NSD2: variants seen among roughly 807,000 people sequenced by gnomAD.
The protein encoded by NSD2 is nuclear receptor binding SET domain protein 2, also known as histone-lysine N-methyltransferase NSD2.
Under a neutral mutation model 139.0 loss-of-function variants are expected in NSD2, and 12 were observed. That is an observed-to-expected ratio of 0.09 (90% CI 0.06 to 0.14). The LOEUF is 0.14. Ranked by LOEUF, NSD2 falls within the 10% of genes least tolerant of loss-of-function variation. NSD2 has a pLI of 1.00. For synonymous variants in NSD2, 669 were observed against 648.7 expected (o/e 1.03, Z -0.48); for missense variants, 1,155 against 1,745.0 (o/e 0.66, Z 6.02).
chr4:1,972,553 G>A lies in NSD2; in HGVS notation c.3373-2310G>A, dbSNP rs1726605673. ...ACTCCAGCGGGGCCCAAACCCAGGC[G>A]GATGGCCAGGGGGAGTGGGGCCAAA... On this transcript the variant is annotated intron_variant, in intron 18 of 21. Transcript: ENST00000508803. The surrounding 1 kb of genome is among the most constrained non-coding windows in gnomAD (Gnocchi z 4.0). Among the ~76,000 whole-genome samples the A allele has an allele frequency of 6.6e-6, 1 of 152,176 alleles. No homozygotes were observed. The highest frequency in any genetic ancestry group is 1.5e-5 in the Non-Finnish European group (1 of 68,030).
chr4:1,964,688 A>T (rs2108988686), intron 18 of NSD2, among the ~76,000 whole-genome samples: 2 of 152,192 alleles, frequency 1.3e-5, no homozygotes, highest in Middle Eastern at 6.8e-3. Context: ...CCTCCAGCTG[A>T]AGTATCTTCA....
At position 1,893,543 on chromosome 4, in the gene NSD2, GTTTTTTT is replaced by G. The variant is rs774429583; in HGVS notation, c.-29-7073_-29-7067del. 9.9e-5 allele frequency among the ~76,000 whole-genome samples: 12 copies of G among 121,432 alleles called. No individual in the cohort carries two copies. In the South Asian group the frequency reaches 1.7e-3, roughly 17 times the overall value. The allele number at this position is 121,432 out of a possible 152,430, so 79.7% of individuals were successfully genotyped here. On this transcript the variant is annotated intron_variant, in intron 1 of 21. Coordinates refer to ENST00000508803, the MANE Select transcript of NSD2 (RefSeq NM_001042424.3). ...TATTTTGCCTCTTTTTTTGTTTTTT[GTTTTTTT>G]TTTTTTTTTGTTTTGTTTTGAGACA...
chr4:1,872,615 A>AGAGAGAGAGAGAGAGAGAGG (rs1713924510), intron 1 of NSD2, among the ~76,000 whole-genome samples: 3 of 145,302 alleles, frequency 2.1e-5, no homozygotes, highest in East Asian at 4.3e-4. Context: ...AGAGAGAGAG[A>AGAGAGAGAGAGAGAGAGAGG]GAGAGAGAGA....
chr4:1,927,305 C>T (rs989803917), intron 5 of NSD2, among the ~76,000 whole-genome samples: 2 of 152,122 alleles, frequency 1.3e-5, no homozygotes, highest in East Asian at 3.9e-4. Flanking sequence ...ACGCCGTAAG[C>T]AGTAGTGGGG....
In NSD2 at chr4:1,976,444, C is replaced by T. The variant is rs773746799; in HGVS notation, c.3622-31C>T. On this transcript the variant is annotated intron_variant, in intron 20 of 21. Transcript: ENST00000508803. This position sits in a 1 kb window ranked among gnomAD's most constrained non-coding sequence, Gnocchi z 5.3. ...TTTGCTTCAGCCTGTGTAATTCTTT[C>T]CGGTGATCTGTGCTTAATTCTTGAC... is the stretch of plus-strand genomic sequence containing the variant. 5.6e-6 allele frequency: 9 copies of T among 1,603,454 alleles called. No homozygotes were observed. Among genetic ancestry groups the T allele is most frequent in the African/African-American group, 1.3e-5 (1 of 74,924 alleles).
chr4:1,933,236 T>C (rs1001244049), intron 6 of NSD2, among the ~76,000 whole-genome samples: 4 of 152,204 alleles, frequency 2.6e-5, no homozygotes, highest in Non-Finnish European at 5.9e-5. Flanking sequence ...TGTGAATGCA[T>C]TGGCAGCAGG....
chr4:1,932,046 G>T (rs1018086844), intron 6 of NSD2, among the ~76,000 whole-genome samples: 1 of 152,162 alleles, frequency 6.6e-6, no homozygotes, highest in Non-Finnish European at 1.5e-5. Context: ...GCAGGTTCTT[G>T]GGTGTCCTTT....
chr4:1,976,244 G>C lies in NSD2; in HGVS notation c.3622-231G>C, dbSNP rs1322307142. 2 of 551,866 alleles carry C rather than the reference G, an allele frequency of 3.6e-6. No homozygotes were observed. The highest frequency in any genetic ancestry group is 6.5e-6 in the Non-Finnish European group (2 of 308,466). 34.2% of individuals were successfully genotyped at this position (551,866 alleles called of 1,614,324 possible). On this transcript the variant is annotated intron_variant, in intron 20 of 21. Coordinates refer to ENST00000508803, the MANE Select transcript of NSD2 (RefSeq NM_001042424.3). This position sits in a 1 kb window ranked among gnomAD's most constrained non-coding sequence, Gnocchi z 5.3. ...ATGCTGCTGAGATGCGTCATTGCAG[G>C]CTTCCGACAAAGCTCACTCTAGTCG...
intron 10 of NSD2, 115 bp downstream of exon 10, chr4:1,951,318 C>T (rs1560745058): frequency 7.1e-7 from 1 of 1,399,166 alleles, no homozygotes; most frequent in African/African-American, 1.4e-5. Context: ...CCCAATCTCA[C>T]CGTCACTCAC....
At chr4:1,971,171 C>A (rs1726432599) in intron 18 of NSD2, among the ~76,000 whole-genome samples, 1 of 152,004 alleles carries the variant, frequency 6.6e-6, no homozygotes, top group African/African-American at 2.4e-5. Context: ...CCAGCCTGGG[C>A]AACATAGGGA....
intron 15 of NSD2, among the ~76,000 whole-genome samples, chr4:1,957,496 C>A (rs1418386054): frequency 1.3e-5 from 2 of 150,866 alleles, no homozygotes; most frequent in Non-Finnish European, 3.0e-5. Context: ...GCATGTTGGC[C>A]AGGCTGGTCT....
rs894733582 is a variant in NSD2, at chr4:1,898,187, A to C, written c.-29-2439A>C. Among the ~76,000 whole-genome samples the C allele has an allele frequency of 2.6e-5, 4 of 152,000 alleles. No homozygotes were observed. In the East Asian group the frequency reaches 5.8e-4, roughly 22 times the overall value. Reference sequence around the variant, plus strand: ...CTGCAGCCTTGACCTCTTGGACTCAAGCGATCCTCCTGCCTCAGCCTCCTG... The same window carrying C: ...CTGCAGCCTTGACCTCTTGGACTCACGCGATCCTCCTGCCTCAGCCTCCTG... On this transcript the variant is annotated intron_variant, in intron 1 of 21. Transcript: ENST00000508803.
intron 6 of NSD2, 42 bp from the exon 7 acceptor site, chr4:1,935,102 G>C: frequency 6.6e-7 from 1 of 1,526,668 alleles, no homozygotes. Context: ...TGCAGCTTTT[G>C]GAGTGGTTTT....
At position 1,978,407 on chromosome 4, in the gene NSD2, A is replaced by G. The variant is rs138039215; in HGVS notation, c.3827-231A>G. Among the ~76,000 whole-genome samples, 5 of 152,314 alleles carry G rather than the reference A, an allele frequency of 3.3e-5. No individual in the cohort carries two copies. The East Asian group carries it at 9.7e-4, about 29-fold the overall frequency. ...TCCTCTCAGTTGCCGAAACATAAAG[A>G]GACGCTAACAGGTGGTCCTTAGGGG... On this transcript the variant is annotated intron_variant, in intron 21 of 21. Transcript: ENST00000508803.
chr4:1,943,608 C>T (rs761994266), intron 9 of NSD2: 2 of 1,048,932 alleles, frequency 1.9e-6, no homozygotes, highest in Non-Finnish European at 2.3e-6. Context: ...TGGTTGGGTT[C>T]CTCTATTGGC....
At position 1,980,703 on chromosome 4, in the gene NSD2, A is replaced by G. The variant is rs1727670292; in HGVS notation, c.*1794A>G. On this transcript the variant is annotated 3_prime_UTR_variant, in exon 22 of 22. Transcript: ENST00000508803. Reference sequence around the variant, plus strand: ...CCTTCTCCCATCAGGGTCCCCAGCAAAGTTAACTACACAGAGGACCCAGGG... The same window carrying G: ...CCTTCTCCCATCAGGGTCCCCAGCAGAGTTAACTACACAGAGGACCCAGGG... The G allele has an allele frequency of 4.3e-6, 1 of 233,016 alleles. No individual in the cohort carries two copies. The highest frequency in any genetic ancestry group is 5.6e-5 in the Admixed American group (1 of 17,772). The allele number at this position is 233,016 out of a possible 1,614,324, so 14.4% of individuals were successfully genotyped here. A position where few individuals can be genotyped will look rare whatever the true frequency, so the allele number is the denominator to read the frequency against.
At chr4:1,877,559 T>C (rs1190799921) in intron 1 of NSD2, among the ~76,000 whole-genome samples, 1 of 152,194 alleles carries the variant, frequency 6.6e-6, no homozygotes, top group East Asian at 1.9e-4. Flanking sequence ...GGGATAGGCA[T>C]GCTTTCCCTC....
Position 1,981,493 on chromosome 4 carries a change from A to T in NSD2, c.*2584A>T. On this transcript the variant is annotated 3_prime_UTR_variant, in exon 22 of 22. Transcript: ENST00000508803. Reference sequence around the variant, plus strand: ...CCCCAATCCCTCAGGATTCCTTGGCATCCGAAACCAGCATCTGCACCTAAA... The same window carrying T: ...CCCCAATCCCTCAGGATTCCTTGGCTTCCGAAACCAGCATCTGCACCTAAA... 3.9e-6 allele frequency: 1 copy of T among 253,396 alleles called. No individual in the cohort carries two copies. 15.7% of individuals were successfully genotyped at this position (253,396 alleles called of 1,614,324 possible). A position where few individuals can be genotyped will look rare whatever the true frequency, so the allele number is the denominator to read the frequency against.
chr4:1,953,026 G>A (rs972133509), intron 11 of NSD2: 1 of 1,442,590 alleles, frequency 6.9e-7, no homozygotes, highest in African/African-American at 1.4e-5. Context: ...TTTCATAGGA[G>A]CCCCTTCTTT....
Sources: gnomAD v4.1 joint callset for allele counts (sites outside exome capture counted in the v4.1 genomes callset) on GRCh38, gnomAD v4.1.1 for gene constraint, Gnocchi (gnomAD v3.1) non-coding constraint, MANE v1.5 for transcripts, NCBI Gene and HGNC (gene_info 2026-07-23, HGNC 2026-07-21) for gene names.